BIRC3: variants seen among roughly 807,000 people sequenced by gnomAD.
BIRC3 encodes baculoviral IAP repeat-containing protein 3.
In BIRC3, 26 loss-of-function variants were observed where a neutral mutation model predicts 59.0. The ratio of observed to expected loss-of-function variants is 0.44; its 90% confidence interval spans 0.32 to 0.61. The LOEUF is 0.61. BIRC3 is among the 20% of genes least tolerant of loss of function. BIRC3 has a pLI of 0.04. For synonymous variants in BIRC3, 243 were observed against 249.2 expected, an observed-to-expected ratio of 0.98 and a Z score of 0.24; for missense variants, 641 against 711.5, an observed-to-expected ratio of 0.90 and a Z score of 1.13.
Position 102,337,333 on chromosome 11 carries a change from A to C in BIRC3, c.*231A>C. The C allele has an allele frequency of 2.5e-6, 1 of 404,960 alleles. No individual in the cohort carries two copies. Among genetic ancestry groups the C allele is most frequent in the Non-Finnish European group, 4.3e-6 (1 of 230,814 alleles). 25.1% of individuals were successfully genotyped at this position (404,960 alleles called of 1,614,324 possible). ...ATGAACGAAAAAGAGGTAGCACTAC[A>C]AACACAATATTCAATCAAAATTTCA... On this transcript the variant is annotated 3_prime_UTR_variant, in exon 9 of 9. Coordinates refer to ENST00000263464, the MANE Select transcript of BIRC3 (RefSeq NM_001165.5).
chr11:102,336,957 G>A lies in BIRC3; in HGVS notation c.1670G>A (p.Cys557Tyr), dbSNP rs1436314841. ...QLRRLQEERT[C>Y]KVCMDKEVSI... ...CGGAGACTACAAGAAGAAAGAACATGTAAAGTGTGTATGGACAAAGAAGTG... is the reference window on the plus strand; with the variant it reads ...CGGAGACTACAAGAAGAAAGAACATATAAAGTGTGTATGGACAAAGAAGTG... The change falls in exon 9 of 9, where the codon TGT (cysteine) becomes TAT (tyrosine). Residue 557 changes from cysteine (C) to tyrosine (Y), a missense_variant. Physicochemically the swap from Cys to Tyr is radical, Grantham distance 194. Coordinates refer to ENST00000263464, the MANE Select transcript of BIRC3 (RefSeq NM_001165.5). 6.2e-7 allele frequency: 1 copy of A among 1,604,678 alleles called. No individual in the cohort carries two copies. The highest frequency in any genetic ancestry group is 2.2e-5 in the East Asian group (1 of 44,724).
rs1267734012 is a variant in BIRC3 at position 102,324,447 on chromosome 11, G to C, written c.-63G>C. The C allele has an allele frequency of 2.6e-6, 4 of 1,515,440 alleles. No homozygotes were observed. The African/African-American group carries it at 5.6e-5, about 21-fold the overall frequency. 93.9% of individuals were successfully genotyped at this position (1,515,440 alleles called of 1,614,324 possible). A position where few individuals can be genotyped will look rare whatever the true frequency, so the allele number is the denominator to read the frequency against. ...TAGTATTAAAACTGATAAAAGCAAA[G>C]CCATGCACAAAACTACCTCCCTAGA... On this transcript the variant is annotated 5_prime_UTR_variant, in exon 2 of 9. Coordinates refer to ENST00000263464, the MANE Select transcript of BIRC3 (RefSeq NM_001165.5).
chr11:102,336,383 G>A, intron 7 of BIRC3, 163 bp downstream of exon 7: 2 of 809,216 alleles, frequency 2.5e-6, no homozygotes, highest in Non-Finnish European at 3.7e-6. Context: ...CTTGAGCCCA[G>A]GAGTTTGAGA....
chr11:102,329,941 T>TAA (rs17885073), intron 5 of BIRC3, among the ~76,000 whole-genome samples: 7 of 151,840 alleles, frequency 4.6e-5, no homozygotes, highest in South Asian at 4.2e-4. Context: ...TAAAATAATT[T>TAA]AAAAAAAGGA....
intron 8 of BIRC3, 30 bp from the exon 9 acceptor site, chr11:102,336,879 C>T (rs1237951112): frequency 3.1e-6 from 5 of 1,589,942 alleles, no homozygotes; most frequent in South Asian, 2.3e-5. Flanking sequence ...AGCAAACTGC[C>T]TTTTATTAAA....
chr11:102,334,079 A>G (rs376488122), intron 6 of BIRC3, among the ~76,000 whole-genome samples: 21 of 152,350 alleles, frequency 1.4e-4, no homozygotes, highest in African/African-American at 5.1e-4. Flanking sequence ...TAAATTTTAG[A>G]AATCTTAAGA....
rs60157696 is a variant in BIRC3 at position 102,328,877 on chromosome 11, TA to T, written c.1033-19del. The T allele has an allele frequency of 0.42, 260,403 of 615,988 alleles. 47,668 individuals are homozygous for T. Among genetic ancestry groups the T allele is most frequent in the African/African-American group, 0.63 (28,432 of 44,846 alleles). 38.2% of individuals were successfully genotyped at this position (615,988 alleles called of 1,614,324 possible). ...TTTAATTTATATATATATATATATA[TA>T]TATTTTTTTTTTCTGCAGCTGCTAT... On this transcript the variant is annotated intron_variant, in intron 4 of 8. Coordinates refer to ENST00000263464, the MANE Select transcript of BIRC3 (RefSeq NM_001165.5).
rs1465151433 is a variant in BIRC3 at position 102,336,794 on chromosome 11, T to C, written c.1614T>C (p.Asp538=). ...QQDIKYIPTE[D]VSDLPVEEQL... is the part of the protein sequence containing the mutation. ...ACATAAAATATATTCCCACAGAAGATGTTTCAGGTAATAGTACTAATATTT... is the reference window on the plus strand; with the variant it reads ...ACATAAAATATATTCCCACAGAAGACGTTTCAGGTAATAGTACTAATATTT... The change falls in exon 8 of 9, where the codon GAT becomes GAC. Residue 538 remains aspartate (D), a synonymous_variant. Coordinates refer to ENST00000263464, the MANE Select transcript of BIRC3 (RefSeq NM_001165.5). 4 of 1,607,418 alleles carry C rather than the reference T, an allele frequency of 2.5e-6. No individual in the cohort carries two copies. Among genetic ancestry groups the C allele is most frequent in the Non-Finnish European group, 3.4e-6 (4 of 1,177,338 alleles).
rs5794162 is a variant in BIRC3 at position 102,322,777 on chromosome 11, T to TAAAAAAAAAA, written c.-1716_-1707dup. 3.0e-5 allele frequency: 2 copies of TAAAAAAAAAA among 66,340 alleles called. 1 individual carries two copies. The highest frequency in any genetic ancestry group is 1.3e-4 in the African/African-American group (2 of 15,850). The allele number at this position is 66,340 out of a possible 1,614,324, so 4.1% of individuals were successfully genotyped here. On this transcript the variant is annotated 5_prime_UTR_variant, in exon 2 of 9. Transcript: ENST00000263464. ...GGAAACCATGCTTGCAAACCACTGGTAAAAAAAAAAAAAAAAAAAAAAAAA... is the reference window on the plus strand; with the variant it reads ...GGAAACCATGCTTGCAAACCACTGGTAAAAAAAAAAAAAAAAAAAAAAAAAAAAAAAAAAA...
chr11:102,331,755 G>A (rs375089851), intron 6 of BIRC3, among the ~76,000 whole-genome samples: 2 of 151,896 alleles, frequency 1.3e-5, no homozygotes, highest in Non-Finnish European at 2.9e-5. Context: ...AGCAATTCTC[G>A]TGCCTCCTTC....
chr11:102,337,233 C>A lies in BIRC3; in HGVS notation c.*131C>A. ...ACTCAAAAAACATTGTTTTGTGTAA[C>A]ATATTTATATATGTATCTAAACCAT... On this transcript the variant is annotated 3_prime_UTR_variant, in exon 9 of 9. Transcript: ENST00000263464. 1.6e-6 allele frequency: 1 copy of A among 634,156 alleles called. No individual in the cohort carries two copies. The highest frequency in any genetic ancestry group is 4.0e-5 in the South Asian group (1 of 24,990). The allele number at this position is 634,156 out of a possible 1,614,324, so 39.3% of individuals were successfully genotyped here.
At chr11:102,319,874 T>G (rs1283693053) in intron 1 of BIRC3, 2 of 152,202 alleles carry the variant, frequency 1.3e-5, no homozygotes, top group African/African-American at 4.8e-5. Flanking sequence ...ATTTATTGTA[T>G]AGTTGTTGCC....
At chr11:102,335,939 T>C in intron 6 of BIRC3, 27 bp from the exon 7 acceptor site, 1 of 1,590,940 alleles carries the variant, frequency 6.3e-7, no homozygotes, top group South Asian at 1.1e-5. Flanking sequence ...TTTGAACATG[T>C]TTATGCTTGT....
In BIRC3 at chr11:102,336,736, A is replaced by T. The variant is rs1217877481; in HGVS notation, c.1580-24A>T. 4 of 1,597,626 alleles carry T rather than the reference A, an allele frequency of 2.5e-6. No homozygotes were observed. The South Asian group carries it at 4.5e-5, about 18-fold the overall frequency. ...AATATTAACCTTATTTGTCATAGTA[A>T]TGCTTTTTCTTTTTCTCCCTTAGTG... On this transcript the variant is annotated intron_variant, in intron 7 of 8. Coordinates refer to ENST00000263464, the MANE Select transcript of BIRC3 (RefSeq NM_001165.5).
intron 1 of BIRC3, chr11:102,319,893 C>T (rs1248044296): frequency 6.6e-6 from 1 of 152,064 alleles, no homozygotes; most frequent in Non-Finnish European, 1.5e-5. Flanking sequence ...CCTAAATTTC[C>T]ACAAATATAT....
intron 6 of BIRC3, 61 bp downstream of exon 6, chr11:102,331,302 T>C (rs968306376): frequency 6.8e-7 from 1 of 1,460,308 alleles, no homozygotes; most frequent in Admixed American, 2.6e-5. Context: ...CTATATGTTA[T>C]GAAAAATATA....
At chr11:102,325,601 G>T in intron 3 of BIRC3, 36 bp downstream of exon 3, 1 of 1,586,168 alleles carries the variant, frequency 6.3e-7, no homozygotes, top group South Asian at 1.1e-5. Flanking sequence ...AAATTCTTGT[G>T]ATTATCATGA....
intron 1 of BIRC3, among the ~76,000 whole-genome samples, chr11:102,319,682 G>A (rs1472167502): frequency 6.6e-6 from 1 of 152,096 alleles, no homozygotes; most frequent in Non-Finnish European, 1.5e-5. Context: ...TTTGAGGAAG[G>A]TGTTGAAGGT....
chr11:102,321,347 G>A (rs1254286940), intron 1 of BIRC3, among the ~76,000 whole-genome samples: 4 of 151,868 alleles, frequency 2.6e-5, no homozygotes, highest in Admixed American at 2.6e-4. Flanking sequence ...AAACCTCTGG[G>A]TTTTATTTTA....
Sources: allele counts gnomAD v4.1 joint callset (sites outside exome capture counted in the v4.1 genomes callset), GRCh38; gene constraint gnomAD v4.1.1; transcripts MANE v1.5; gene names NCBI Gene and HGNC (gene_info 2026-07-23, HGNC 2026-07-21).